AGBL4: variants seen among roughly 807,000 people sequenced by gnomAD.
The protein encoded by AGBL4 is AGBL carboxypeptidase 4, also known as cytosolic carboxypeptidase 6.
A neutral mutation model predicts 66.4 loss-of-function variants in AGBL4; 58 were observed. That is an observed-to-expected ratio of 0.87 (90% CI 0.71 to 1.09). AGBL4 has a LOEUF of 1.09. Among genes scored for constraint, AGBL4 ranks in the 50% least tolerant of loss-of-function variants. AGBL4 has a pLI of 0.00. For missense variants in AGBL4, 579 were observed against 631.0 expected, an observed-to-expected ratio of 0.92 and a Z score of 0.88; for synonymous variants, 234 against 222.9, an observed-to-expected ratio of 1.05 and a Z score of -0.44.
intron 2 of AGBL4, among the ~76,000 whole-genome samples, chr1:49,798,951 C>T (rs929983409): frequency 1.2e-4 from 18 of 151,830 alleles, no homozygotes; most frequent in African/African-American, 4.1e-4. Flanking sequence ...TATTTAATAG[C>T]TAAGAAAATA....
At chr1:49,531,701 T>C (rs1651154615) in intron 3 of AGBL4, among the ~76,000 whole-genome samples, 1 of 152,032 alleles carries the variant, frequency 6.6e-6, no homozygotes, top group Non-Finnish European at 1.5e-5. Flanking sequence ...TTCTGACAAG[T>C]TCTATAATTT....
intron 11 of AGBL4, among the ~76,000 whole-genome samples, chr1:48,543,183 G>A (rs768758044): frequency 6.6e-6 from 1 of 152,120 alleles, no homozygotes; most frequent in East Asian, 1.9e-4. Context: ...TCCACGTACT[G>A]AGAAACAAGA....
intron 3 of AGBL4, among the ~76,000 whole-genome samples, chr1:49,368,801 G>A (rs1332467797): frequency 6.6e-6 from 1 of 152,164 alleles, no homozygotes; most frequent in Non-Finnish European, 1.5e-5. Context: ...CTGGCCGGGT[G>A]TGGTGGCTCA....
chr1:49,110,968 C>T (rs1645394718), intron 4 of AGBL4, among the ~76,000 whole-genome samples: 1 of 152,062 alleles, frequency 6.6e-6, no homozygotes, highest in South Asian at 2.1e-4. Flanking sequence ...TTTTAAAAAG[C>T]ATATCAATTT....
At chr1:49,095,569 A>G (rs2147989109) in intron 4 of AGBL4, among the ~76,000 whole-genome samples, 1 of 152,326 alleles carries the variant, frequency 6.6e-6, no homozygotes, top group South Asian at 2.1e-4. Context: ...GACAAACCTG[A>G]CAAAAACAAG....
At chr1:49,463,190 C>T (rs1483421434) in intron 3 of AGBL4, among the ~76,000 whole-genome samples, 3 of 151,612 alleles carry the variant, frequency 2.0e-5, no homozygotes, top group South Asian at 2.1e-4. Context: ...TGCTTGCCCA[C>T]GGTTGTATTA....
chr1:49,220,783 C>T (rs1649434180), intron 4 of AGBL4, among the ~76,000 whole-genome samples: 1 of 152,122 alleles, frequency 6.6e-6, no homozygotes. Flanking sequence ...CTCAGGAAAA[C>T]CCCTAAACTT....
At chr1:48,565,581 A>T (rs563571974) in intron 11 of AGBL4, among the ~76,000 whole-genome samples, 1 of 152,266 alleles carries the variant, frequency 6.6e-6, no homozygotes, top group Non-Finnish European at 1.5e-5. Flanking sequence ...GCACTCAAGC[A>T]TCCAGGGTCC....
At chr1:49,791,202 G>A (rs768231901) in intron 2 of AGBL4, among the ~76,000 whole-genome samples, 19 of 152,034 alleles carry the variant, frequency 1.2e-4, no homozygotes, top group African/African-American at 2.9e-4. Flanking sequence ...GAGCAACTGC[G>A]ATAAATGAAT....
chr1:49,120,803 C>G (rs1484794562), intron 4 of AGBL4, among the ~76,000 whole-genome samples: 4 of 152,190 alleles, frequency 2.6e-5, no homozygotes, highest in Non-Finnish European at 5.9e-5. Flanking sequence ...AGAGTGTTTT[C>G]TAACTTGATT....
At chr1:48,776,896 A>G in intron 6 of AGBL4, 2 of 759,464 alleles carry the variant, frequency 2.6e-6, no homozygotes, top group Non-Finnish European at 3.8e-6. Flanking sequence ...GGAGGTGGGG[A>G]TCCGGCGGGG....
intron 12 of AGBL4, among the ~76,000 whole-genome samples, 173 bp from the exon 13 acceptor site, chr1:48,535,089 A>T (rs1643947319): frequency 6.6e-6 from 1 of 152,166 alleles, no homozygotes; most frequent in South Asian, 2.1e-4. Context: ...AGATTTGGTC[A>T]TAGCTGGGGC....
chr1:48,566,374 CAATA>C (rs1285439034), intron 11 of AGBL4, among the ~76,000 whole-genome samples: 2 of 152,200 alleles, frequency 1.3e-5, no homozygotes, highest in African/African-American at 4.8e-5. Flanking sequence ...ATGAAACTCT[CAATA>C]AATAGTTGTT....
At chr1:49,404,866 G>A (rs1645163063) in intron 3 of AGBL4, among the ~76,000 whole-genome samples, 2 of 152,092 alleles carry the variant, frequency 1.3e-5, no homozygotes, top group South Asian at 4.1e-4. Flanking sequence ...ATTTTTTTGA[G>A]CAAGACTTTT....
At chr1:49,648,304 A>G (rs1645931920) in intron 3 of AGBL4, among the ~76,000 whole-genome samples, 2 of 152,040 alleles carry the variant, frequency 1.3e-5, no homozygotes, top group African/African-American at 4.8e-5. Context: ...AGATACCTCA[A>G]AAATGGAAAA....
At chr1:48,819,099 G>T (rs1570746465) in intron 6 of AGBL4, among the ~76,000 whole-genome samples, 1 of 152,304 alleles carries the variant, frequency 6.6e-6, no homozygotes, top group East Asian at 1.9e-4. Flanking sequence ...GGCTCGTACA[G>T]ACAGTTTTCT....
chr1:48,786,628 A>G (rs571278538), intron 6 of AGBL4, among the ~76,000 whole-genome samples: 1 of 152,302 alleles, frequency 6.6e-6, no homozygotes, highest in African/African-American at 2.4e-5. Context: ...ATTTGACTAC[A>G]TTATCTGTGG....
chr1:48,784,896 T>C (rs960429024), intron 6 of AGBL4, among the ~76,000 whole-genome samples: 2 of 152,158 alleles, frequency 1.3e-5, no homozygotes, highest in African/African-American at 4.8e-5. Flanking sequence ...ATGTAAAAAA[T>C]TGTCACAAAG....
At position 49,644,760 on chromosome 1, in the gene AGBL4, C is replaced by T. The variant is rs992946293; in HGVS notation, c.282+52553G>A. Among the ~76,000 whole-genome samples, 8 of 151,276 alleles carry T rather than the reference C, an allele frequency of 5.3e-5. No homozygotes were observed. In the South Asian group the frequency reaches 1.0e-3, roughly 20 times the overall value. On this transcript the variant is annotated intron_variant, in intron 3 of 13. Transcript: ENST00000371839. ...AGAAGACTTGAATAATACTATCTAC[C>T]AACTTGACTCAATTGACATTTATAG...
Sources: allele counts gnomAD v4.1 joint callset (sites outside exome capture counted in the v4.1 genomes callset), GRCh38; gene constraint gnomAD v4.1.1; transcripts MANE v1.5; gene names NCBI Gene and HGNC (gene_info 2026-07-23, HGNC 2026-07-21).